The following SPDYA variants were observed in gnomAD, a reference collection of about 807,000 sequenced individuals.
SPDYA encodes speedy protein A.
Under a neutral mutation model 36.7 loss-of-function variants are expected in SPDYA, and 11 were observed. The ratio of observed to expected loss-of-function variants is 0.30; its 90% CI spans 0.19 to 0.50. The LOEUF is 0.50. SPDYA is among the 20% of genes least tolerant of loss of function. The pLI is 0.98. For missense variants in SPDYA, 287 were observed against 370.9 expected (o/e 0.77, Z 1.86); for synonymous variants, 115 against 118.7 (o/e 0.97, Z 0.20).
chr2:28,834,428 T>G (rs1442922196), intron 6 of SPDYA, among the ~76,000 whole-genome samples: 1 of 152,198 alleles, frequency 6.6e-6, no homozygotes, highest in Non-Finnish European at 1.5e-5. Flanking sequence ...AACATGAATG[T>G]TCATAGCAGT....
intron 6 of SPDYA, among the ~76,000 whole-genome samples, chr2:28,829,949 AAAAAAAAAAAG>A (rs1456005306): frequency 1.7e-5 from 2 of 120,334 alleles, no homozygotes; most frequent in East Asian, 5.8e-4. Flanking sequence ...ATCTCAAAAA[AAAAAAAAAAAG>A]AAAAGAAAAG....
At chr2:28,829,901 G>T (rs1313957238) in intron 6 of SPDYA, among the ~76,000 whole-genome samples, 2 of 140,790 alleles carry the variant, frequency 1.4e-5, no homozygotes, top group Non-Finnish European at 3.0e-5. Flanking sequence ...CAGAGATCGC[G>T]CCACTGCACT....
chr2:28,844,640 A>T lies in SPDYA; in HGVS notation c.850+4171A>T, dbSNP rs557229031. On this transcript the variant is annotated intron_variant, in intron 7 of 7. Coordinates refer to ENST00000334056, the MANE Select transcript of SPDYA (RefSeq NM_182756.4). ...TTAGCTGTATTAAACGCATCTTTTT[A>T]AAAATATTTTTTGCTGGGCGCGGTG... 4.6e-5 allele frequency among the ~76,000 whole-genome samples: 7 copies of T among 152,276 alleles called. No homozygotes were observed. The East Asian group carries it at 1.2e-3, about 25-fold the overall frequency.
At chr2:28,824,249 G>A (rs919219466) in intron 5 of SPDYA, among the ~76,000 whole-genome samples, 2 of 151,762 alleles carry the variant, frequency 1.3e-5, no homozygotes, top group Non-Finnish European at 2.9e-5. Flanking sequence ...AGGCTGGGGC[G>A]GAAGGATTGC....
Position 28,850,257 on chromosome 2 carries a change from G to A in SPDYA, c.*316G>A, listed in dbSNP as rs1669014412. 2 of 1,609,086 alleles carry A rather than the reference G, an allele frequency of 1.2e-6. No homozygotes were observed. The highest frequency in any genetic ancestry group is 2.7e-5 in the African/African-American group (2 of 74,766). On this transcript the variant is annotated 3_prime_UTR_variant, in exon 8 of 8. Coordinates refer to ENST00000334056, the MANE Select transcript of SPDYA (RefSeq NM_182756.4). ...GACAAGAAAAGCTAATTTAAGAGAA[G>A]AAAAACATAAAGTCATTATATTAAT...
At chr2:28,815,052 C>T (rs555910721) in intron 2 of SPDYA, among the ~76,000 whole-genome samples, 11 of 152,136 alleles carry the variant, frequency 7.2e-5, no homozygotes, top group East Asian at 1.9e-4. Context: ...GAAGCTGAGG[C>T]GAGAGGATGG....
rs1044662192 is a variant in SPDYA at position 28,829,391 on chromosome 2, G to A, written c.552+72G>A. 26 of 1,409,258 alleles carry A rather than the reference G, an allele frequency of 1.8e-5. No individual in the cohort carries two copies. The African/African-American group carries it at 2.2e-4, about 12-fold the overall frequency. The allele number at this position is 1,409,258 out of a possible 1,614,324, so 87.3% of individuals were successfully genotyped here. ...TATCTTATTATCCTTGTTTTTTAAT[G>A]TGCTTCTAATGTTTTGGTATTCTGG... On this transcript the variant is annotated intron_variant, in intron 6 of 7. Transcript: ENST00000334056.
chr2:28,850,157 A>C lies in SPDYA; in HGVS notation c.*216A>C, dbSNP rs1366550095. The C allele has an allele frequency of 1.9e-6, 3 of 1,563,420 alleles. No homozygotes were observed. Among genetic ancestry groups the C allele is most frequent in the Non-Finnish European group, 2.6e-6 (3 of 1,143,188 alleles). ...ATTTTCAATATAAAGTTCTATTTTG[A>C]TATTTTTCCATCTTCAAGTCAGTTA... On this transcript the variant is annotated 3_prime_UTR_variant, in exon 8 of 8. Coordinates refer to ENST00000334056, the MANE Select transcript of SPDYA (RefSeq NM_182756.4).
chr2:28,821,106 T>C (rs984403847), intron 4 of SPDYA, among the ~76,000 whole-genome samples: 2 of 151,790 alleles, frequency 1.3e-5, no homozygotes, highest in African/African-American at 4.8e-5. Flanking sequence ...ACAATTACAA[T>C]GTCATAGAAC....
At chr2:28,814,939 C>T (rs770722277) in intron 2 of SPDYA, among the ~76,000 whole-genome samples, 7 of 152,092 alleles carry the variant, frequency 4.6e-5, no homozygotes, top group Non-Finnish European at 1.0e-4. Context: ...CATTCATATA[C>T]ACTTATAATC....
intron 6 of SPDYA, among the ~76,000 whole-genome samples, chr2:28,837,656 A>G (rs1238057383): frequency 6.6e-6 from 1 of 151,876 alleles, no homozygotes; most frequent in East Asian, 1.9e-4. Context: ...AGGAACAGAG[A>G]GGTTAAGTGA....
At chr2:28,845,679 G>A (rs1185619334) in intron 7 of SPDYA, among the ~76,000 whole-genome samples, 3 of 151,984 alleles carry the variant, frequency 2.0e-5, no homozygotes, top group African/African-American at 7.3e-5. Flanking sequence ...CCAGTAGCTG[G>A]GATTACAGGC....
In SPDYA at chr2:28,813,948, C is replaced by T. The variant is rs114869949; in HGVS notation, c.-92-665C>T. Among the ~76,000 whole-genome samples the T allele has an allele frequency of 4.5e-3, 684 of 152,256 alleles. 6 individuals are homozygous for T. Among genetic ancestry groups the T allele is most frequent in the African/African-American group, 0.016 (647 of 41,552 alleles). ...ATGAGGTGGGCAGGAAAGAGCAGAA[C>T]GTTCTTACTCAAGTCTCAAGGCTCA... is the stretch of plus-strand genomic sequence containing the variant. On this transcript the variant is annotated intron_variant, in intron 1 of 7. Transcript: ENST00000334056.
At chr2:28,843,598 CTTTT>C (rs993287600) in intron 7 of SPDYA, among the ~76,000 whole-genome samples, 8 of 144,792 alleles carry the variant, frequency 5.5e-5, no homozygotes, top group Non-Finnish European at 1.1e-4. Flanking sequence ...ATGAAGCATT[CTTTT>C]TTTTTTAGAT....
chr2:28,812,198 A>G (rs2148072051), intron 1 of SPDYA, among the ~76,000 whole-genome samples: 1 of 152,340 alleles, frequency 6.6e-6, no homozygotes, highest in Non-Finnish European at 1.5e-5. Flanking sequence ...TTTGAGAATT[A>G]AATGAGATAA....
At chr2:28,824,691 C>T (rs1168873201) in intron 5 of SPDYA, among the ~76,000 whole-genome samples, 1 of 151,660 alleles carries the variant, frequency 6.6e-6, no homozygotes. Flanking sequence ...GAACTACAGG[C>T]GCATGCCACC....
At chr2:28,833,050 G>A (rs12714249) in intron 6 of SPDYA, among the ~76,000 whole-genome samples, 62,993 of 151,820 alleles carry the variant, frequency 0.41, 13,915 homozygotes, top group Middle Eastern at 0.51. Context: ...TGCCCAGGCC[G>A]GTCTCAAAAT....
At chr2:28,812,489 G>GAA (rs1394068244) in intron 1 of SPDYA, among the ~76,000 whole-genome samples, 1 of 151,148 alleles carries the variant, frequency 6.6e-6, no homozygotes, top group Non-Finnish European at 1.5e-5. Flanking sequence ...AAGAAAGAAA[G>GAA]AAAATCCCAA....
chr2:28,848,729 C>G (rs558829938), intron 7 of SPDYA, among the ~76,000 whole-genome samples: 1 of 152,080 alleles, frequency 6.6e-6, no homozygotes, highest in East Asian at 1.9e-4. Context: ...ATTTACCCTC[C>G]AAGGCATTAC....
Sources: gnomAD v4.1 joint callset for allele counts (sites outside exome capture counted in the v4.1 genomes callset) on GRCh38, gnomAD v4.1.1 for gene constraint, MANE v1.5 for transcripts, NCBI Gene and HGNC (gene_info 2026-07-23, HGNC 2026-07-21) for gene names.